Variants in SEPSECS observed in about 807,000 individuals in gnomAD.
SEPSECS encodes the protein Sep (O-phosphoserine) tRNA:Sec (selenocysteine) tRNA synthase, also known as O-phosphoseryl-tRNA(Sec) selenium transferase.
A neutral mutation model predicts 52.1 loss-of-function variants in SEPSECS; 42 were observed. That is an observed-to-expected ratio of 0.81 (90% CI 0.63 to 1.04). The LOEUF is 1.04. Among genes scored for constraint, SEPSECS ranks in the 50% least tolerant of loss-of-function variants. The pLI is 0.00. For synonymous variants in SEPSECS, 216 were observed against 211.4 expected, an observed-to-expected ratio of 1.02 and a Z score of -0.19; for missense variants, 590 against 610.6, an observed-to-expected ratio of 0.97 and a Z score of 0.36.
chr4:25,134,616 T>C (rs564453940), intron 8 of SEPSECS, among the ~76,000 whole-genome samples: 29 of 152,264 alleles, frequency 1.9e-4, no homozygotes, highest in African/African-American at 4.3e-4. Flanking sequence ...AGTAATTTTT[T>C]AGAAGAGTAC....
rs753770778 is a variant in SEPSECS, at chr4:25,152,394, A to G, written c.702-332T>C. On this transcript the variant is annotated intron_variant, in intron 5 of 10. Coordinates refer to ENST00000382103, the MANE Select transcript of SEPSECS (RefSeq NM_016955.4). ...AAGATTATTTATAATGACCCCTCAC[A>G]AGATGGTATGCTCTTTTTTTCCACT... Among the ~76,000 whole-genome samples the G allele has an allele frequency of 2.2e-3, 334 of 152,154 alleles. 2 individuals carry two copies. Among genetic ancestry groups the G allele is most frequent in the Middle Eastern group, 6.8e-3 (2 of 294 alleles).
At chr4:25,127,678 C>T (rs1728436729) in intron 8 of SEPSECS, among the ~76,000 whole-genome samples, 1 of 152,158 alleles carries the variant, frequency 6.6e-6, no homozygotes, top group African/African-American at 2.4e-5. Context: ...CTGGACACAG[C>T]AATAGATCCT....
chr4:25,125,615 C>A, intron 10 of SEPSECS, 79 bp downstream of exon 10: 1 of 861,790 alleles, frequency 1.2e-6, no homozygotes, highest in South Asian at 1.4e-5. Context: ...ACTTGGGGGA[C>A]TATTGTTGAG....
At chr4:25,131,413 G>C (rs550512443) in intron 8 of SEPSECS, among the ~76,000 whole-genome samples, 1 of 152,326 alleles carries the variant, frequency 6.6e-6, no homozygotes, top group East Asian at 1.9e-4. Flanking sequence ...AACATGAATG[G>C]ATGGATGGAT....
At chr4:25,135,885 A>G (rs190550697) in intron 8 of SEPSECS, among the ~76,000 whole-genome samples, 89 of 152,308 alleles carry the variant, frequency 5.8e-4, no homozygotes, top group African/African-American at 2.0e-3. Context: ...CCCAGGATGC[A>G]AGGCTGGTTC....
At position 25,160,295 on chromosome 4, in the gene SEPSECS, G is replaced by T; in HGVS notation, c.75C>A (p.Arg25=). 6.4e-7 allele frequency: 1 copy of T among 1,551,984 alleles called. No individual in the cohort carries two copies. The highest frequency in any genetic ancestry group is 8.7e-7 in the Non-Finnish European group (1 of 1,147,418). ...PAYVRQGCEA[R]RSHEHLIRLL... ...GCCGTATGAGGTGCTCATGCGAGCG[G>T]CGGGCCTCACAGCCCTGCCGCACGT... Residue 25 remains arginine (R), a synonymous_variant, in exon 1 of 11, where the codon CGC becomes CGA. Coordinates refer to ENST00000382103, the MANE Select transcript of SEPSECS (RefSeq NM_016955.4).
At chr4:25,133,491 C>T (rs1728695906) in intron 8 of SEPSECS, among the ~76,000 whole-genome samples, 1 of 152,198 alleles carries the variant, frequency 6.6e-6, no homozygotes, top group South Asian at 2.1e-4. Flanking sequence ...GATGGATTTT[C>T]ACTCATGCTA....
In SEPSECS at chr4:25,125,496, G is replaced by A. The variant is rs191321239; in HGVS notation, c.1211+198C>T. 2.1e-3 allele frequency: 1,217 copies of A among 576,328 alleles called. 3 individuals carry two copies. Among genetic ancestry groups the A allele is most frequent in the Non-Finnish European group, 2.4e-3 (778 of 324,258 alleles). 35.7% of individuals were successfully genotyped at this position (576,328 alleles called of 1,614,324 possible). A position where few individuals can be genotyped will look rare whatever the true frequency, so the allele number is the denominator to read the frequency against. ...ACAAACAAGATTCATGTCTTTTTGTGACTATTTCAGGCATAAGCAGTCCAC... is the reference window on the plus strand; with the variant it reads ...ACAAACAAGATTCATGTCTTTTTGTAACTATTTCAGGCATAAGCAGTCCAC... On this transcript the variant is annotated intron_variant, in intron 10 of 10. Transcript: ENST00000382103.
intron 4 of SEPSECS, 87 bp downstream of exon 4, chr4:25,155,950 T>A: frequency 1.6e-6 from 2 of 1,285,918 alleles, no homozygotes; most frequent in Non-Finnish European, 2.2e-6. Flanking sequence ...AGAGAGTTAG[T>A]TTATTTTTCA....
At chr4:25,125,855 A>G in intron 9 of SEPSECS, 71 bp from the exon 10 acceptor site, 1 of 904,170 alleles carries the variant, frequency 1.1e-6, no homozygotes, top group South Asian at 1.4e-5. Context: ...AATAACAATA[A>G]TAATGATGAA....
In SEPSECS at chr4:25,124,022, T is replaced by A; in HGVS notation, c.1415A>T (p.Asn472Ile). The A allele has an allele frequency of 6.2e-7, 1 of 1,613,756 alleles. No individual in the cohort carries two copies. The highest frequency in any genetic ancestry group is 8.5e-7 in the Non-Finnish European group (1 of 1,179,676). Reference sequence around the variant, plus strand: ...ATCCACATCTTCAGTTTTGTCATAATTGTCATCACTCTCTTTACTTCGTTC... The same window carrying A: ...ATCCACATCTTCAGTTTTGTCATAAATGTCATCACTCTCTTTACTTCGTTC... ...RKERSKESDD[N>I]YDKTEDVDIE... Residue 472 changes from asparagine to isoleucine, a missense_variant, in exon 11 of 11, where the codon AAT becomes ATT. Transcript: ENST00000382103.
chr4:25,127,334 G>T lies in SEPSECS; in HGVS notation c.1050C>A (p.Asn350Lys). ...ERKEMFSYLS[N>K]QIKKLSEAYN... is the part of the protein sequence containing the mutation. ...AGGCTTCTGACAACTTCTTTATTTGGTTGGACAAATATGAAAACATTTCCT... is the reference window on the plus strand; with the variant it reads ...AGGCTTCTGACAACTTCTTTATTTGTTTGGACAAATATGAAAACATTTCCT... Residue 350 changes from asparagine to lysine, a missense_variant, in exon 9 of 11, where the codon AAC (asparagine) becomes AAA (lysine). By Grantham distance (94) the Asn-to-Lys change is moderately conservative. Transcript: ENST00000382103. 6.2e-7 allele frequency: 1 copy of T among 1,611,964 alleles called. No individual in the cohort carries two copies. The highest frequency in any genetic ancestry group is 1.7e-5 in the Admixed American group (1 of 59,996).
intron 10 of SEPSECS, 106 bp from the exon 11 acceptor site, chr4:25,124,331 A>C: frequency 9.1e-7 from 1 of 1,096,870 alleles, no homozygotes; most frequent in Non-Finnish European, 1.3e-6. Context: ...ACTTATTACG[A>C]AGTTTAAAAC....
intron 6 of SEPSECS, among the ~76,000 whole-genome samples, chr4:25,145,887 T>C (rs1711933054): frequency 6.6e-6 from 1 of 152,178 alleles, no homozygotes; most frequent in Non-Finnish European, 1.5e-5. Flanking sequence ...TAATGGAAGT[T>C]TTATTTGTAT....
intron 5 of SEPSECS, among the ~76,000 whole-genome samples, chr4:25,154,396 C>A (rs570974351): frequency 1.1e-4 from 16 of 152,130 alleles, no homozygotes; most frequent in Admixed American, 4.6e-4. Context: ...AAACAGAAAT[C>A]TGTATTACTA....
chr4:25,128,930 G>A (rs1728503008), intron 8 of SEPSECS, among the ~76,000 whole-genome samples: 1 of 152,028 alleles, frequency 6.6e-6, no homozygotes, highest in African/African-American at 2.4e-5. Context: ...CTTTTGTTAG[G>A]TAAAGATTAA....
chr4:25,150,864 G>A (rs921928762), intron 6 of SEPSECS, among the ~76,000 whole-genome samples: 3 of 152,170 alleles, frequency 2.0e-5, no homozygotes, highest in African/African-American at 4.8e-5. Flanking sequence ...AAAGTTGGCT[G>A]GGTGTGGTGG....
chr4:25,153,984 T>C (rs1471539602), intron 5 of SEPSECS, among the ~76,000 whole-genome samples: 1 of 152,150 alleles, frequency 6.6e-6, no homozygotes, highest in African/African-American at 2.4e-5. Context: ...ATCCATATGC[T>C]GTTTTTCAAA....
Position 25,125,739 on chromosome 4 carries a change from G to GT in SEPSECS, c.1165dup (p.Thr389AsnfsTer40). The GT allele has an allele frequency of 6.2e-7, 1 of 1,613,180 alleles. No homozygotes were observed. Among genetic ancestry groups the GT allele is most frequent in the South Asian group, 1.1e-5 (1 of 90,982 alleles). On this transcript the variant is annotated frameshift_variant, in exon 10 of 11. Coordinates refer to ENST00000382103, the MANE Select transcript of SEPSECS (RefSeq NM_016955.4). LOFTEE classifies it high-confidence loss of function. ...GGTAAAAAGCATCGAGCCAAGCTGA[G>GT]TGACAGCTTTGTCACGGTGTTCATC...
Sources: gnomAD v4.1 joint callset for allele counts (sites outside exome capture counted in the v4.1 genomes callset) on GRCh38, gnomAD v4.1.1 for gene constraint, MANE v1.5 for transcripts, NCBI Gene and HGNC (gene_info 2026-07-23, HGNC 2026-07-21) for gene names.